COL4A5: variants seen among roughly 807,000 people sequenced by gnomAD.
COL4A5 encodes collagen alpha-5(IV) chain.
COL4A5 carries 26 observed loss-of-function variants against 130.2 expected under a neutral mutation model. The ratio of observed to expected loss-of-function variants is 0.20; its 90% CI spans 0.15 to 0.28. COL4A5 has a LOEUF of 0.28. Among genes scored for constraint, COL4A5 ranks in the 10% least tolerant of loss-of-function variants. The pLI is 1.00. For missense variants in COL4A5, 1,131 were observed against 1,344.3 expected, an observed-to-expected ratio of 0.84 and a Z score of 2.48; for synonymous variants, 496 against 439.6, an observed-to-expected ratio of 1.13 and a Z score of -1.60.
intron 1 of COL4A5, among the ~76,000 whole-genome samples, chrX:108,505,321 A>G (rs1350221805): frequency 2.7e-5 from 3 of 110,219 alleles, no homozygotes; most frequent in Non-Finnish European, 1.9e-5. Context: ...AAAATCCCAG[A>G]CTTTGCCACT....
intron 1 of COL4A5, among the ~76,000 whole-genome samples, chrX:108,458,503 C>T (rs1217313714): frequency 9.0e-6 from 1 of 111,548 alleles, no homozygotes; most frequent in Non-Finnish European, 1.9e-5. Context: ...GTCTCCTCTT[C>T]GCCCCCGCCT....
chrX:108,526,442 G>A (rs1278755148), intron 1 of COL4A5, among the ~76,000 whole-genome samples: 4 of 110,578 alleles, frequency 3.6e-5, no homozygotes, highest in Non-Finnish European at 7.6e-5. Flanking sequence ...CTCTCCCATG[G>A]CATGGCATTG....
chrX:108,680,932 G>A lies in COL4A5; in HGVS notation c.4063G>A (p.Glu1355Lys). The change falls in exon 46 of 53, where the codon GAA becomes AAA. Residue 1355 changes from glutamate to lysine, a missense_variant. Transcript: ENST00000328300. ...ACCTGGATCAGCTGGCCCTGAGGGG[G>A]AACCGGGACTTATTGGTCCTCCAGG... The part of the protein sequence containing the change: ...GVPGSAGPEG[E>K]PGLIGPPGPP... 1 of 1,209,864 alleles carries A rather than the reference G, an allele frequency of 8.3e-7. No individual in the cohort carries two copies. Among genetic ancestry groups the A allele is most frequent in the Non-Finnish European group, 1.1e-6 (1 of 894,018 alleles).
intron 1 of COL4A5, among the ~76,000 whole-genome samples, chrX:108,490,505 T>C (rs1429207814): frequency 2.7e-5 from 3 of 112,110 alleles, no homozygotes; most frequent in Non-Finnish European, 5.6e-5. Flanking sequence ...CACTTCTAAA[T>C]TTTGTCATTT....
chrX:108,687,176 A>C (rs754160692), intron 48 of COL4A5, among the ~76,000 whole-genome samples: 1 of 112,374 alleles, frequency 8.9e-6, no homozygotes, highest in Admixed American at 9.4e-5. Context: ...TTTTTCAGCA[A>C]TGAAGCTGGC....
At chrX:108,558,990 CT>C in intron 2 of COL4A5, 73 bp from the exon 3 acceptor site, 1 of 827,826 alleles carries the variant, frequency 1.2e-6, no homozygotes, top group Non-Finnish European at 1.8e-6. Context: ...GTCATGTGAT[CT>C]TTTTGAATCT....
intron 52 of COL4A5, chrX:108,695,994 T>A: frequency 7.3e-6 from 2 of 275,014 alleles, no homozygotes; most frequent in Non-Finnish European, 1.3e-5. Context: ...TGCCCAGATT[T>A]CCCTCATCCT....
chrX:108,687,086 T>A (rs2068559889), intron 48 of COL4A5, among the ~76,000 whole-genome samples: 1 of 112,435 alleles, frequency 8.9e-6, no homozygotes, highest in Non-Finnish European at 1.9e-5. Flanking sequence ...TGAAAATACT[T>A]CTTTAGAATG....
intron 1 of COL4A5, among the ~76,000 whole-genome samples, chrX:108,492,388 AAAC>A (rs1234823651): frequency 1.8e-5 from 2 of 112,274 alleles, no homozygotes; most frequent in African/African-American, 6.5e-5. Flanking sequence ...CTAAACAAAC[AAAC>A]AACTACTATA....
intron 1 of COL4A5, among the ~76,000 whole-genome samples, chrX:108,474,212 A>G (rs1164898653): frequency 8.9e-5 from 10 of 111,905 alleles, no homozygotes; most frequent in South Asian, 3.8e-4. Flanking sequence ...AAGCCTTGCA[A>G]TGTCCATTCA....
chrX:108,646,713 C>T (rs181257082), intron 36 of COL4A5, among the ~76,000 whole-genome samples: 4 of 111,608 alleles, frequency 3.6e-5, no homozygotes, highest in African/African-American at 1.3e-4. Context: ...TATGGTTTTA[C>T]GTCTAACATT....
At position 108,598,740 on chromosome X, in the gene COL4A5, G is replaced by T; in HGVS notation, c.1818G>T (p.Gly606=). 6.6e-6 allele frequency: 8 copies of T among 1,210,613 alleles called. No individual in the cohort carries two copies. Among genetic ancestry groups the T allele is most frequent in the Non-Finnish European group, 7.8e-6 (7 of 894,900 alleles). ...TTAAGGGTGAAAGAGGTCCCCCTGG[G>T]AACCCAGGTTTACCAGGCCTCCCAG... ...ITFKGERGPP[G]NPGLPGLPGN... The change falls in exon 25 of 53, where the codon GGG becomes GGT. Residue 606 remains glycine, a synonymous_variant. Coordinates refer to ENST00000328300, the MANE Select transcript of COL4A5 (RefSeq NM_033380.3).
chrX:108,458,157 CACCAAG>C (rs201621394), intron 1 of COL4A5, among the ~76,000 whole-genome samples: 10,201 of 111,347 alleles, frequency 0.092, 1,083 homozygotes, highest in African/African-American at 0.3. Context: ...TCCCCAAGGT[CACCAAG>C]ATTTTCTTTC....
intron 13 of COL4A5, among the ~76,000 whole-genome samples, chrX:108,580,056 A>G (rs1006509427): frequency 1.8e-5 from 2 of 111,317 alleles, no homozygotes; most frequent in Admixed American, 1.9e-4. Flanking sequence ...GTTCAGTTTA[A>G]TTTTTTTAGG....
intron 40 of COL4A5, 21 bp downstream of exon 40, chrX:108,667,204 C>A: frequency 8.8e-7 from 1 of 1,142,736 alleles, no homozygotes; most frequent in East Asian, 3.0e-5. Flanking sequence ...ATAAAACATG[C>A]TAAATCAATC....
chrX:108,486,385 A>C (rs1321827526), intron 1 of COL4A5, among the ~76,000 whole-genome samples: 4 of 111,344 alleles, frequency 3.6e-5, no homozygotes, highest in Non-Finnish European at 5.7e-5. Flanking sequence ...TTATTCTACT[A>C]TCTTGCTCCA....
Position 108,697,112 on chromosome X carries a change from T to C in COL4A5, c.*734T>C, listed in dbSNP as rs1238890409. ...CTTTAATCAGAATTTTAAATGTTCA[T>C]GTTACATACCAAATTATAATATCTA... On this transcript the variant is annotated 3_prime_UTR_variant, in exon 53 of 53. Transcript: ENST00000328300. 8.9e-6 allele frequency: 1 copy of C among 111,800 alleles called. No individual in the cohort carries two copies. Among genetic ancestry groups the C allele is most frequent in the African/African-American group, 3.2e-5 (1 of 30,812 alleles). 9.2% of individuals were successfully genotyped at this position (111,800 alleles called of 1,213,427 possible).
intron 1 of COL4A5, among the ~76,000 whole-genome samples, chrX:108,467,868 A>G (rs1449487613): frequency 9.0e-6 from 1 of 111,564 alleles, no homozygotes; most frequent in Non-Finnish European, 1.9e-5. Context: ...ACTTTGCTGA[A>G]TTTATTAGCT....
chrX:108,495,340 A>G (rs2065025546), intron 1 of COL4A5, among the ~76,000 whole-genome samples: 1 of 112,037 alleles, frequency 8.9e-6, no homozygotes, highest in Non-Finnish European at 1.9e-5. Flanking sequence ...TAGTTCATGA[A>G]ATAATCAAAA....
Sources: allele counts gnomAD v4.1 joint callset (sites outside exome capture counted in the v4.1 genomes callset), GRCh38; gene constraint gnomAD v4.1.1; transcripts MANE v1.5; gene names NCBI Gene and HGNC (gene_info 2026-07-23, HGNC 2026-07-21).